Variants in TXN observed in about 807,000 individuals in gnomAD.
The protein encoded by TXN is thioredoxin.
A neutral mutation model predicts 16.5 loss-of-function variants in TXN; 10 were observed. The observed-to-expected ratio is 0.61, with a 90% CI of 0.37 to 1.03. The LOEUF (loss-of-function observed/expected upper bound fraction) is 1.03, where lower values mean the gene tolerates loss of function less well. Ranked by LOEUF, TXN falls within the 50% of genes least tolerant of loss-of-function variation. The pLI, the probability that TXN is intolerant of heterozygous loss-of-function variation, is 0.01. For synonymous variants in TXN, 35 were observed against 39.4 expected, an observed-to-expected ratio of 0.89 and a Z score of 0.42; for missense variants, 71 against 122.5, an observed-to-expected ratio of 0.58 and a Z score of 1.98.
chr9:110,252,670 G>C (rs994288092), intron 1 of TXN, among the ~76,000 whole-genome samples: 2 of 152,074 alleles, frequency 1.3e-5, no homozygotes, highest in Admixed American at 1.3e-4. Context: ...TTTTGAGACG[G>C]AGTTTCACTT....
At chr9:110,250,781 T>A (rs771634881) in intron 3 of TXN, 39 bp downstream of exon 3, 10 of 1,494,506 alleles carry the variant, frequency 6.7e-6, no homozygotes, top group Middle Eastern at 1.7e-4. Context: ...AAGGCCAATG[T>A]GAAAAGCTCA....
intron 3 of TXN, among the ~76,000 whole-genome samples, chr9:110,247,752 CT>C (rs1408433770): frequency 6.6e-6 from 1 of 152,158 alleles, no homozygotes; most frequent in Non-Finnish European, 1.5e-5. Context: ...TTTGTATTTA[CT>C]TTAATTTCAT....
chr9:110,247,081 G>T (rs1466835031), intron 3 of TXN, among the ~76,000 whole-genome samples: 2 of 152,160 alleles, frequency 1.3e-5, no homozygotes, highest in African/African-American at 2.4e-5. Flanking sequence ...CCAGCACTTT[G>T]GGAGGCCAAG....
chr9:110,245,249 G>A (rs1294056348), intron 3 of TXN: 2 of 155,770 alleles, frequency 1.3e-5, no homozygotes, highest in Non-Finnish European at 2.9e-5. Context: ...CTCAGAACTA[G>A]TACCTCTTAT....
At chr9:110,249,307 TAA>T (rs71492877) in intron 3 of TXN, among the ~76,000 whole-genome samples, 11 of 143,406 alleles carry the variant, frequency 7.7e-5, no homozygotes, top group Non-Finnish European at 1.2e-4. Context: ...ACACTCTTTT[TAA>T]AAAAAAAAAA....
chr9:110,254,720 T>G (rs2118583818), intron 1 of TXN, among the ~76,000 whole-genome samples: 1 of 152,252 alleles, frequency 6.6e-6, no homozygotes, highest in African/African-American at 2.4e-5. Context: ...CTCTGACAAC[T>G]GGGAGGACTA....
At chr9:110,244,866 G>T in intron 3 of TXN, 23 bp from the exon 4 acceptor site, 1 of 1,603,888 alleles carries the variant, frequency 6.2e-7, no homozygotes, top group South Asian at 1.1e-5. Context: ...GTAGCAAAGG[G>T]AGAGGATTAA....
intron 3 of TXN, among the ~76,000 whole-genome samples, chr9:110,249,657 C>A (rs1448934783): frequency 6.6e-6 from 1 of 152,152 alleles, no homozygotes; most frequent in East Asian, 1.9e-4. Context: ...AGGGGTTGCC[C>A]AAGGCACAGA....
intron 3 of TXN, among the ~76,000 whole-genome samples, chr9:110,250,009 C>T (rs750629482): frequency 1.4e-4 from 22 of 152,108 alleles, no homozygotes; most frequent in African/African-American, 2.9e-4. Context: ...CTCCTCAACC[C>T]GCTCTCCTAG....
chr9:110,246,068 G>A (rs1837655763), intron 3 of TXN, among the ~76,000 whole-genome samples: 1 of 149,346 alleles, frequency 6.7e-6, no homozygotes, highest in African/African-American at 2.5e-5. Flanking sequence ...ATCTCGGGAG[G>A]AAAAATAAAA....
chr9:110,247,065 C>G (rs1344428), intron 3 of TXN, among the ~76,000 whole-genome samples: 81,739 of 151,976 alleles, frequency 0.54, 22,963 homozygotes, highest in East Asian at 0.93. Flanking sequence ...GCTCATGCCT[C>G]TAATCCCAGC....
chr9:110,246,385 T>C (rs989135151), intron 3 of TXN, among the ~76,000 whole-genome samples: 4 of 152,172 alleles, frequency 2.6e-5, no homozygotes, highest in African/African-American at 9.7e-5. Flanking sequence ...AAATGAGAAC[T>C]CTTATAATAC....
chr9:110,255,646 C>T (rs1837799650), intron 1 of TXN, among the ~76,000 whole-genome samples: 1 of 152,216 alleles, frequency 6.6e-6, no homozygotes, highest in Admixed American at 6.5e-5. Context: ...GGAAACGCGC[C>T]CTGCGCCACA....
chr9:110,253,904 G>A (rs1233170637), intron 1 of TXN, among the ~76,000 whole-genome samples: 1 of 152,072 alleles, frequency 6.6e-6, no homozygotes, highest in Non-Finnish European at 1.5e-5. Context: ...AAGCAGAACA[G>A]TGTAGTTGGG....
rs1837612615 is a variant in TXN at position 110,244,003 on chromosome 9, A to C, written c.*154T>G. The C allele has an allele frequency of 5.6e-6, 2 of 356,954 alleles. No homozygotes were observed. The highest frequency in any genetic ancestry group is 5.2e-6 in the Non-Finnish European group (1 of 192,514). 22.1% of individuals were successfully genotyped at this position (356,954 alleles called of 1,614,324 possible). On this transcript the variant is annotated 3_prime_UTR_variant, in exon 5 of 5. Coordinates refer to ENST00000374517, the MANE Select transcript of TXN (RefSeq NM_003329.4). ...TTCACATTTATTTTGAAAGCTATTC[A>C]GACATGAGACGGTTTTAAAAAGTGT... is the stretch of plus-strand genomic sequence containing the variant.
intron 3 of TXN, among the ~76,000 whole-genome samples, chr9:110,246,618 A>G (rs1001164347): frequency 1.3e-4 from 20 of 152,132 alleles, no homozygotes; most frequent in Non-Finnish European, 2.9e-5. Flanking sequence ...ACGGAAACCA[A>G]CGGAGAATTC....
chr9:110,245,654 ATTTTTTTTTT>A lies in TXN; in HGVS notation c.190-821_190-812del, dbSNP rs1228829953. Among the ~76,000 whole-genome samples, 56 of 21,760 alleles carry A rather than the reference ATTTTTTTTTT, an allele frequency of 2.6e-3. 1 individual carries two copies. The East Asian group carries it at 0.044, about 17-fold the overall frequency. 14.3% of individuals were successfully genotyped at this position (21,760 alleles called of 152,430 possible). A position where few individuals can be genotyped will look rare whatever the true frequency, so the allele number is the denominator to read the frequency against. On this transcript the variant is annotated intron_variant, in intron 3 of 4. Coordinates refer to ENST00000374517, the MANE Select transcript of TXN (RefSeq NM_003329.4). The stretch of plus-strand genomic sequence containing the variant: ...TATATATATATATATATATATATAT[ATTTTTTTTTT>A]TTTTTTTTTATAGGGACAAGGTCTC...
chr9:110,251,256 C>T lies in TXN; in HGVS notation c.129+102G>A, dbSNP rs572789048. On this transcript the variant is annotated intron_variant, in intron 2 of 4. Coordinates refer to ENST00000374517, the MANE Select transcript of TXN (RefSeq NM_003329.4). ...AAAGATCCAGCCAAAGAAATCCCCCCACCGAAACCAAAATCCTTTAACTGT... is the reference window on the plus strand; with the variant it reads ...AAAGATCCAGCCAAAGAAATCCCCCTACCGAAACCAAAATCCTTTAACTGT... The T allele has an allele frequency of 5.1e-5, 44 of 857,132 alleles. No individual in the cohort carries two copies. The South Asian group carries it at 5.6e-4, about 11-fold the overall frequency. 53.1% of individuals were successfully genotyped at this position (857,132 alleles called of 1,614,324 possible). A position where few individuals can be genotyped will look rare whatever the true frequency, so the allele number is the denominator to read the frequency against.
At chr9:110,245,039 TGAA>T (rs4135219) in intron 3 of TXN, 196 bp from the exon 4 acceptor site, 182,399 of 404,940 alleles carry the variant, frequency 0.45, 43,607 homozygotes, top group African/African-American at 0.67. Flanking sequence ...ATATTCTCAA[TGAA>T]GAAGTTTTAT....
Sources: gnomAD v4.1 joint callset for allele counts (sites outside exome capture counted in the v4.1 genomes callset) on GRCh38, gnomAD v4.1.1 for gene constraint, MANE v1.5 for transcripts, NCBI Gene and HGNC (gene_info 2026-07-23, HGNC 2026-07-21) for gene names.